PANK1: variants seen among roughly 807,000 people sequenced by gnomAD.
The protein encoded by PANK1 is pantothenate kinase 1.
A neutral mutation model predicts 40.1 loss-of-function variants in PANK1; 18 were observed. The observed-to-expected ratio is 0.45, with a 90% CI of 0.31 to 0.67. PANK1 has a LOEUF of 0.67. PANK1 is among the 30% of genes least tolerant of loss of function. The pLI, the probability that PANK1 is intolerant of heterozygous loss-of-function variation, is 0.06. For synonymous variants in PANK1, 242 were observed against 237.7 expected, an observed-to-expected ratio of 1.02 and a Z score of -0.17; for missense variants, 457 against 599.6, an observed-to-expected ratio of 0.76 and a Z score of 2.48.
At chr10:89,594,569 C>T (rs1334403198) in intron 3 of PANK1, among the ~76,000 whole-genome samples, 2 of 152,116 alleles carry the variant, frequency 1.3e-5, no homozygotes, top group African/African-American at 4.8e-5. Context: ...ATTTAGCCTC[C>T]TTGAATATTT....
intron 1 of PANK1, among the ~76,000 whole-genome samples, chr10:89,636,399 C>A (rs754546891): frequency 6.6e-6 from 1 of 151,790 alleles, no homozygotes; most frequent in Non-Finnish European, 1.5e-5. Flanking sequence ...TGCAGTGGCG[C>A]GATCTCAGCT....
intron 1 of PANK1, among the ~76,000 whole-genome samples, chr10:89,637,463 C>G (rs1029376227): frequency 1.1e-4 from 17 of 152,192 alleles, no homozygotes; most frequent in African/African-American, 3.9e-4. Flanking sequence ...TAAACCTGTA[C>G]AGCATGTTAC....
intron 3 of PANK1, among the ~76,000 whole-genome samples, chr10:89,598,465 G>T (rs966843021): frequency 1.3e-5 from 2 of 152,222 alleles, no homozygotes; most frequent in African/African-American, 2.4e-5. Context: ...CTCCTAAGTT[G>T]TTCCTCTAAA....
chr10:89,643,499 T>A (rs1244737897), intron 1 of PANK1, among the ~76,000 whole-genome samples: 7 of 152,190 alleles, frequency 4.6e-5, no homozygotes, highest in Admixed American at 4.6e-4. Context: ...GTCAAAGGGC[T>A]TTCCAAGGTC....
At chr10:89,585,105 T>C (rs1252881929) in intron 6 of PANK1, among the ~76,000 whole-genome samples, 1 of 152,158 alleles carries the variant, frequency 6.6e-6, no homozygotes, top group East Asian at 1.9e-4. Context: ...TTTCTCACAG[T>C]TCTAGAGGCT....
At position 89,645,205 on chromosome 10, in the gene PANK1, C is replaced by T; in HGVS notation, c.-314G>A. 1 of 1,597,214 alleles carries T rather than the reference C, an allele frequency of 6.3e-7. No individual in the cohort carries two copies. Among genetic ancestry groups the T allele is most frequent in the Non-Finnish European group, 8.5e-7 (1 of 1,172,954 alleles). On this transcript the variant is annotated 5_prime_UTR_variant, in exon 1 of 7. Coordinates refer to ENST00000307534, the MANE Select transcript of PANK1 (RefSeq NM_148977.3). ...GCCCGCCTTCCCCTGATCCCCAGGC[C>T]GCGCGACTTCAAACGCGGCTTCCTC... is the stretch of plus-strand genomic sequence containing the variant.
At chr10:89,639,246 G>C (rs770562701) in intron 1 of PANK1, 1 of 451,364 alleles carries the variant, frequency 2.2e-6, no homozygotes, top group South Asian at 1.6e-5. Flanking sequence ...GAGCATGCTT[G>C]AGAAAGGGCA....
At chr10:89,604,941 CG>C (rs1378696647) in intron 2 of PANK1, among the ~76,000 whole-genome samples, 1 of 151,272 alleles carries the variant, frequency 6.6e-6, no homozygotes, top group South Asian at 2.1e-4. Flanking sequence ...TTAGTAGAGA[CG>C]GGGTTTCACC....
At chr10:89,606,192 C>T (rs1327086449) in intron 2 of PANK1, among the ~76,000 whole-genome samples, 4 of 152,168 alleles carry the variant, frequency 2.6e-5, no homozygotes, top group Non-Finnish European at 4.4e-5. Context: ...GGTCCATGAG[C>T]GTCGGCTTCA....
intron 5 of PANK1, 73 bp downstream of exon 5, chr10:89,593,124 C>A: frequency 6.9e-7 from 1 of 1,451,474 alleles, no homozygotes; most frequent in South Asian, 1.2e-5. Flanking sequence ...GTGTAAGAGT[C>A]AACAGGTGTT....
At chr10:89,636,505 G>A (rs138341472) in intron 1 of PANK1, among the ~76,000 whole-genome samples, 4,066 of 152,088 alleles carry the variant, frequency 0.027, 352 homozygotes, top group East Asian at 0.26. Context: ...AGGCTGGAGT[G>A]CAGTGGTGCG....
chr10:89,622,107 A>G (rs368948174), intron 1 of PANK1, among the ~76,000 whole-genome samples: 56 of 152,310 alleles, frequency 3.7e-4, no homozygotes, highest in African/African-American at 1.2e-3. Context: ...ATATGCAAAG[A>G]CCTCCAAAAC....
chr10:89,620,889 G>C (rs909986525), intron 1 of PANK1, among the ~76,000 whole-genome samples: 2 of 152,108 alleles, frequency 1.3e-5, no homozygotes, highest in Non-Finnish European at 2.9e-5. Flanking sequence ...AGGGAAAACA[G>C]AAAAGAACTT....
chr10:89,639,952 G>T (rs1190817266), intron 1 of PANK1, among the ~76,000 whole-genome samples: 1 of 152,184 alleles, frequency 6.6e-6, no homozygotes, highest in Non-Finnish European at 1.5e-5. Flanking sequence ...TATCTTTTCC[G>T]AAAGTTTTAC....
rs2133921136 is a variant in PANK1, at chr10:89,588,775, G to A, written c.1203C>T (p.Asn401=). The A allele has an allele frequency of 6.4e-7, 1 of 1,571,936 alleles. No homozygotes were observed. The highest frequency in any genetic ancestry group is 8.6e-7 in the Non-Finnish European group (1 of 1,163,582). The change falls in exon 6 of 7, where the codon AAC becomes AAT. Residue 401 remains asparagine (N), a splice_region_variant and synonymous_variant. Coordinates refer to ENST00000307534, the MANE Select transcript of PANK1 (RefSeq NM_148977.3). ...TTCCAACAAACACAACTCTGTCTAT[G>A]TTCTGGAAAAAATATTAAAGAAAAC... ...SIARMCALNE[N]IDRVVFVGNF...
intron 1 of PANK1, chr10:89,639,269 T>C: frequency 2.3e-6 from 1 of 444,014 alleles, no homozygotes; most frequent in Non-Finnish European, 4.5e-6. Context: ...AGATTGAACT[T>C]GCAGCCTCAA....
chr10:89,640,237 C>T (rs1483419702), intron 1 of PANK1, among the ~76,000 whole-genome samples: 3 of 152,164 alleles, frequency 2.0e-5, no homozygotes, highest in East Asian at 1.9e-4. Flanking sequence ...CTGGGTAAAT[C>T]GAAGCTACTG....
chr10:89,608,846 T>G (rs1272683809), intron 2 of PANK1, among the ~76,000 whole-genome samples: 1 of 152,214 alleles, frequency 6.6e-6, no homozygotes, highest in African/African-American at 2.4e-5. Flanking sequence ...GATTTTCTAT[T>G]CTAGAAATGA....
intron 1 of PANK1, among the ~76,000 whole-genome samples, chr10:89,633,527 CTTTAATTTTTTTTTTTAAATCA>C (rs1383795473): frequency 7.9e-6 from 1 of 127,022 alleles, no homozygotes; most frequent in Non-Finnish European, 1.8e-5. Flanking sequence ...ATTAACAGCC[CTTTAATTTTTTTTTTTAAATCA>C]AACATAGGTA....
Sources: allele counts gnomAD v4.1 joint callset (sites outside exome capture counted in the v4.1 genomes callset), GRCh38; gene constraint gnomAD v4.1.1; transcripts MANE v1.5; gene names NCBI Gene and HGNC (gene_info 2026-07-23, HGNC 2026-07-21).